Variants in PRKD1 observed in about 807,000 individuals in gnomAD.
PRKD1 encodes the protein protein kinase D1, also known as serine/threonine-protein kinase D1.
Under a neutral mutation model 95.9 loss-of-function variants are expected in PRKD1, and 63 were observed. The ratio of observed to expected loss-of-function variants is 0.66; its 90% CI spans 0.54 to 0.81. PRKD1 has a LOEUF of 0.81. Among genes scored for constraint, PRKD1 ranks in the 30% least tolerant of loss-of-function variants. PRKD1 has a pLI of 0.00. For synonymous variants in PRKD1, 425 were observed against 423.1 expected (o/e 1.00, Z -0.05); for missense variants, 1,048 against 1,165.3 (o/e 0.90, Z 1.47).
chr14:29,819,935 G>T (rs1300910454), intron 1 of PRKD1, among the ~76,000 whole-genome samples: 2 of 152,152 alleles, frequency 1.3e-5, no homozygotes, highest in African/African-American at 4.8e-5. Context: ...CAGAGTCCCT[G>T]AAGTTTGCCC....
At chr14:29,741,987 A>G (rs190441661) in intron 1 of PRKD1, among the ~76,000 whole-genome samples, 82 of 152,202 alleles carry the variant, frequency 5.4e-4, no homozygotes, top group Admixed American at 9.8e-4. Flanking sequence ...CATTGTTCTG[A>G]CTGTGCTACA....
chr14:29,742,851 T>A (rs1887042940), intron 1 of PRKD1, among the ~76,000 whole-genome samples: 1 of 152,174 alleles, frequency 6.6e-6, no homozygotes, highest in South Asian at 2.1e-4. Context: ...GTCACATAAG[T>A]TATTCAGTAC....
chr14:29,715,730 C>T (rs771872680), intron 2 of PRKD1, among the ~76,000 whole-genome samples: 3 of 152,142 alleles, frequency 2.0e-5, no homozygotes, highest in Admixed American at 6.6e-5. Context: ...TTGAAAGATA[C>T]TGTAATTGCC....
At chr14:29,861,648 T>C (rs1892713815) in intron 1 of PRKD1, among the ~76,000 whole-genome samples, 1 of 152,014 alleles carries the variant, frequency 6.6e-6, no homozygotes. Flanking sequence ...TGGTTTGGTT[T>C]TGTTTTCGTT....
Position 29,615,563 on chromosome 14 carries a change from G to A in PRKD1, c.1905+8589C>T, listed in dbSNP as rs74351189. 2.9e-3 allele frequency among the ~76,000 whole-genome samples: 446 copies of A among 152,268 alleles called. 1 individual carries two copies. Among genetic ancestry groups the A allele is most frequent in the African/African-American group, 9.4e-3 (392 of 41,554 alleles). On this transcript the variant is annotated intron_variant, in intron 13 of 17. Transcript: ENST00000331968. ...AATCTTCCCAGGTTTTGCCAATGCC[G>A]GGCTTCTCTTCGAAGCTCTCCCTGA...
intron 1 of PRKD1, among the ~76,000 whole-genome samples, chr14:29,908,976 G>C (rs1307162574): frequency 6.6e-6 from 1 of 152,200 alleles, no homozygotes; most frequent in Admixed American, 6.5e-5. Context: ...GGCTCCCTCT[G>C]CTTGCAGTGA....
At chr14:29,623,458 T>C (rs1037244540) in intron 13 of PRKD1, among the ~76,000 whole-genome samples, 3 of 152,128 alleles carry the variant, frequency 2.0e-5, no homozygotes, top group African/African-American at 7.2e-5. Context: ...AAGTAAAAAA[T>C]TATGGCAGGT....
chr14:29,630,663 A>G (rs1388856889), intron 10 of PRKD1, 79 bp downstream of exon 10: 1 of 1,554,304 alleles, frequency 6.4e-7, no homozygotes, highest in East Asian at 2.3e-5. Flanking sequence ...TGTTCTTAGG[A>G]AGGGCAGGGC....
intron 1 of PRKD1, among the ~76,000 whole-genome samples, chr14:29,776,853 A>G (rs1421543850): frequency 6.6e-6 from 1 of 152,216 alleles, no homozygotes; most frequent in African/African-American, 2.4e-5. Flanking sequence ...CAGATTCACC[A>G]AAGTTGAAAT....
At chr14:29,769,987 G>A (rs1316349025) in intron 1 of PRKD1, among the ~76,000 whole-genome samples, 1 of 152,166 alleles carries the variant, frequency 6.6e-6, no homozygotes, top group Non-Finnish European at 1.5e-5. Context: ...AGGTCATGAG[G>A]GTGGAGCCCT....
intron 13 of PRKD1, among the ~76,000 whole-genome samples, chr14:29,623,018 T>C (rs914361579): frequency 7.9e-5 from 12 of 152,250 alleles, no homozygotes; most frequent in Admixed American, 6.5e-4. Flanking sequence ...TGTCATTTAC[T>C]AGAGTTTCAG....
At chr14:29,852,144 C>G (rs1469656401) in intron 1 of PRKD1, among the ~76,000 whole-genome samples, 3 of 152,030 alleles carry the variant, frequency 2.0e-5, no homozygotes, top group Non-Finnish European at 4.4e-5. Flanking sequence ...GTTCACTGCC[C>G]TAGTGACAGG....
intron 1 of PRKD1, among the ~76,000 whole-genome samples, chr14:29,738,462 C>T (rs2139428204): frequency 6.6e-6 from 1 of 152,298 alleles, no homozygotes; most frequent in Middle Eastern, 3.4e-3. Flanking sequence ...CTCCTAGTGT[C>T]AACTTACACT....
chr14:29,698,953 C>A (rs866300035), intron 2 of PRKD1, among the ~76,000 whole-genome samples: 1 of 151,898 alleles, frequency 6.6e-6, no homozygotes, highest in Non-Finnish European at 1.5e-5. Context: ...TGACAAGGTG[C>A]GATCCACCGA....
chr14:29,899,786 T>C (rs1894258980), intron 1 of PRKD1, among the ~76,000 whole-genome samples: 1 of 152,236 alleles, frequency 6.6e-6, no homozygotes, highest in Non-Finnish European at 1.5e-5. Context: ...CAAAGCACTA[T>C]GATATGGTTT....
chr14:29,881,590 T>C (rs1893513879), intron 1 of PRKD1, among the ~76,000 whole-genome samples: 1 of 152,142 alleles, frequency 6.6e-6, no homozygotes, highest in African/African-American at 2.4e-5. Context: ...TTCTGGTTTG[T>C]TTTGTTGGTG....
In PRKD1 at chr14:29,885,511, A is replaced by G. The variant is rs79724090; in HGVS notation, c.264+41738T>C. Among the ~76,000 whole-genome samples the G allele has an allele frequency of 3.5e-3, 534 of 152,212 alleles. 2 individuals carry two copies. Among genetic ancestry groups the G allele is most frequent in the African/African-American group, 0.011 (476 of 41,518 alleles). On this transcript the variant is annotated intron_variant, in intron 1 of 17. Coordinates refer to ENST00000331968, the MANE Select transcript of PRKD1 (RefSeq NM_002742.3). ...TAAAAGTACATGTCATATACCACTT[A>G]TAAGACCAAATGGCAATTTTAGATA... is the stretch of plus-strand genomic sequence containing the variant.
At chr14:29,763,926 C>A (rs1035519451) in intron 1 of PRKD1, among the ~76,000 whole-genome samples, 5 of 152,150 alleles carry the variant, frequency 3.3e-5, no homozygotes, top group Non-Finnish European at 7.4e-5. Flanking sequence ...GCCTAAATTA[C>A]CCTTCCCTTC....
chr14:29,647,779 C>A (rs374122196), intron 4 of PRKD1, among the ~76,000 whole-genome samples: 2 of 152,130 alleles, frequency 1.3e-5, no homozygotes, highest in African/African-American at 4.8e-5. Context: ...CCGGAGAGAC[C>A]AAATAGGGGT....
Sources: gnomAD v4.1 joint callset for allele counts (sites outside exome capture counted in the v4.1 genomes callset) on GRCh38, gnomAD v4.1.1 for gene constraint, MANE v1.5 for transcripts, NCBI Gene and HGNC (gene_info 2026-07-23, HGNC 2026-07-21) for gene names.